INPP4B: variants seen among roughly 807,000 people sequenced by gnomAD.
The protein encoded by INPP4B is inositol polyphosphate 4-phosphatase type II.
INPP4B carries 55 observed loss-of-function variants against 122.5 expected under a neutral mutation model. That is an observed-to-expected ratio of 0.45 (90% CI 0.36 to 0.56). INPP4B has a LOEUF of 0.56. INPP4B is among the 20% of genes least tolerant of loss of function. The pLI is 0.00. For missense variants in INPP4B, 1,000 were observed against 1,097.7 expected, an observed-to-expected ratio of 0.91 and a Z score of 1.26; for synonymous variants, 403 against 388.7, an observed-to-expected ratio of 1.04 and a Z score of -0.43.
chr4:142,253,170 C>T (rs1733347547), intron 11 of INPP4B, among the ~76,000 whole-genome samples: 1 of 152,054 alleles, frequency 6.6e-6, no homozygotes, highest in Non-Finnish European at 1.5e-5. Context: ...AGGGCATTTA[C>T]CATGAAAGAA....
intron 2 of INPP4B, among the ~76,000 whole-genome samples, chr4:142,701,506 C>CA (rs111658023): frequency 0.046 from 4,711 of 102,986 alleles, 187 homozygotes; most frequent in African/African-American, 0.13. Context: ...ACCGAGCAGC[C>CA]AAAAAAAAAA....
intron 1 of INPP4B, among the ~76,000 whole-genome samples, chr4:142,780,314 T>C (rs778973782): frequency 1.8e-4 from 28 of 152,096 alleles, no homozygotes; most frequent in Non-Finnish European, 4.0e-4. Context: ...TCAACTAAGG[T>C]TTAATATCAG....
At chr4:142,743,094 C>T (rs1276706604) in intron 1 of INPP4B, among the ~76,000 whole-genome samples, 1 of 151,942 alleles carries the variant, frequency 6.6e-6, no homozygotes, top group Non-Finnish European at 1.5e-5. Context: ...AATGGAGTAA[C>T]TTGTCTTGGA....
chr4:142,346,732 C>A (rs2151759181), intron 7 of INPP4B, among the ~76,000 whole-genome samples: 1 of 151,988 alleles, frequency 6.6e-6, no homozygotes, highest in Non-Finnish European at 1.5e-5. Flanking sequence ...GTAATTAAAG[C>A]CTACACTATC....
chr4:142,167,220 G>A (rs1366745097), intron 16 of INPP4B, among the ~76,000 whole-genome samples: 6 of 151,728 alleles, frequency 4.0e-5, no homozygotes, highest in Admixed American at 3.9e-4. Flanking sequence ...TTATAAAAAG[G>A]AACAAGATCA....
intron 2 of INPP4B, among the ~76,000 whole-genome samples, chr4:142,652,798 T>C (rs980159025): frequency 3.3e-5 from 5 of 152,208 alleles, no homozygotes; most frequent in African/African-American, 1.2e-4. Flanking sequence ...CAAGGTAATT[T>C]ATAGATTCAG....
chr4:142,593,951 G>T (rs752396929), intron 2 of INPP4B, among the ~76,000 whole-genome samples: 2 of 151,746 alleles, frequency 1.3e-5, no homozygotes, highest in Admixed American at 6.6e-5. Flanking sequence ...TTATATCTTA[G>T]ATCTTTTCAT....
intron 23 of INPP4B, among the ~76,000 whole-genome samples, chr4:142,103,567 T>A (rs1785510175): frequency 6.6e-6 from 1 of 152,060 alleles, no homozygotes; most frequent in African/African-American, 2.4e-5. Flanking sequence ...AACTAAATTA[T>A]TCAGAAAAGG....
At chr4:142,158,519 G>A (rs1041065210) in intron 17 of INPP4B, among the ~76,000 whole-genome samples, 6 of 152,066 alleles carry the variant, frequency 3.9e-5, no homozygotes, top group Non-Finnish European at 5.9e-5. Flanking sequence ...ACTTTCTTCC[G>A]TCTTTGCCCA....
chr4:142,067,360 C>T (rs188686938), intron 25 of INPP4B, among the ~76,000 whole-genome samples: 1 of 152,260 alleles, frequency 6.6e-6, no homozygotes, highest in Non-Finnish European at 1.5e-5. Context: ...GATAAAACCA[C>T]AAAGATGGGG....
chr4:142,029,715 C>G (rs1333713717), intron 25 of INPP4B: 4 of 989,340 alleles, frequency 4.0e-6, no homozygotes, highest in African/African-American at 3.5e-5. Context: ...GATATTAGCA[C>G]AGTGGAAATA....
chr4:142,191,655 G>A (rs1381686604), intron 15 of INPP4B, among the ~76,000 whole-genome samples: 1 of 152,198 alleles, frequency 6.6e-6, no homozygotes, highest in Non-Finnish European at 1.5e-5. Context: ...TGTGAGAAGG[G>A]TGTGAATATT....
chr4:142,637,168 T>A (rs190031987), intron 2 of INPP4B, among the ~76,000 whole-genome samples: 39 of 152,316 alleles, frequency 2.6e-4, no homozygotes, highest in African/African-American at 9.4e-4. Flanking sequence ...GGTACATTTG[T>A]TAGAATGGAT....
At chr4:142,509,276 C>T (rs566204564) in intron 2 of INPP4B, among the ~76,000 whole-genome samples, 13 of 152,256 alleles carry the variant, frequency 8.5e-5, no homozygotes, top group South Asian at 2.1e-4. Context: ...ATGTGCCAAA[C>T]GTGCAGGTTT....
chr4:142,662,782 T>C (rs973680471), intron 2 of INPP4B, among the ~76,000 whole-genome samples: 3 of 152,198 alleles, frequency 2.0e-5, no homozygotes, highest in Non-Finnish European at 4.4e-5. Flanking sequence ...TGTTTATTCA[T>C]TGGAGCAGCT....
intron 2 of INPP4B, among the ~76,000 whole-genome samples, chr4:142,520,317 A>G (rs569634177): frequency 6.6e-6 from 1 of 152,118 alleles, no homozygotes; most frequent in East Asian, 1.9e-4. Context: ...AAGATAGACA[A>G]GGGTTAGCTA....
chr4:142,842,442 C>A (rs1002670176), intron 1 of INPP4B, among the ~76,000 whole-genome samples: 6 of 148,048 alleles, frequency 4.1e-5, no homozygotes, highest in African/African-American at 1.5e-4. Context: ...TATGGTATAC[C>A]ATTGATAGCA....
intron 1 of INPP4B, among the ~76,000 whole-genome samples, chr4:142,806,952 T>G (rs1463860051): frequency 1.3e-5 from 2 of 152,184 alleles, no homozygotes; most frequent in African/African-American, 4.8e-5. Flanking sequence ...TTCCAAGGAC[T>G]GCCATTCTCA....
intron 18 of INPP4B, among the ~76,000 whole-genome samples, chr4:142,133,999 A>G (rs1802668497): frequency 6.6e-6 from 1 of 152,154 alleles, no homozygotes; most frequent in Admixed American, 6.5e-5. Context: ...ATACCATGCA[A>G]TGGCCCTATT....
Sources: allele counts gnomAD v4.1 joint callset (sites outside exome capture counted in the v4.1 genomes callset), GRCh38; gene constraint gnomAD v4.1.1; transcripts MANE v1.5; gene names NCBI Gene and HGNC (gene_info 2026-07-23, HGNC 2026-07-21).